The following DMD variants were observed in gnomAD, a reference collection of about 807,000 sequenced individuals.
DMD encodes dystrophin, also known as mutant dystrophin.
DMD carries 63 observed loss-of-function variants against 330.1 expected under a neutral mutation model. That is an observed-to-expected ratio of 0.19 (90% CI 0.16 to 0.24). The LOEUF is 0.24. Ranked by LOEUF, DMD falls within the 10% of genes least tolerant of loss-of-function variation. DMD has a pLI of 1.00. For missense variants in DMD, 3,344 were observed against 2,684.1 expected, an observed-to-expected ratio of 1.25 and a Z score of -5.43; for synonymous variants, 1,223 against 959.8, an observed-to-expected ratio of 1.27 and a Z score of -5.07.
intron 4 of DMD, among the ~76,000 whole-genome samples, chrX:32,827,557 T>A (rs1200265222): frequency 9.0e-6 from 1 of 111,188 alleles, no homozygotes; most frequent in Non-Finnish European, 1.9e-5. Flanking sequence ...GCCTGATAGG[T>A]AGTTTTTCTG....
Position 31,180,353 on chromosome X carries a change from G to A in DMD, c.10086+17C>T. The A allele has an allele frequency of 1.8e-6, 2 of 1,089,910 alleles. No homozygotes were observed. The highest frequency in any genetic ancestry group is 2.5e-6 in the Non-Finnish European group (2 of 784,586). The allele number at this position is 1,089,910 out of a possible 1,213,427, so 89.8% of individuals were successfully genotyped here. On this transcript the variant is annotated intron_variant, in intron 69 of 78. Transcript: ENST00000357033. ...CCAGGTGAACTAACTCTCACGTCAG[G>A]CTGGCGTCAAACTTACCGGAGTGCA...
chrX:31,444,154 G>A (rs1041043787), intron 60 of DMD, among the ~76,000 whole-genome samples: 3 of 110,768 alleles, frequency 2.7e-5, no homozygotes, highest in African/African-American at 9.9e-5. Context: ...GCAGCCTGAC[G>A]CCCTCGCCAG....
intron 2 of DMD, among the ~76,000 whole-genome samples, chrX:32,940,210 T>C (rs2090310778): frequency 8.9e-6 from 1 of 111,868 alleles, no homozygotes; most frequent in South Asian, 3.7e-4. Context: ...ATGCACAGCA[T>C]AGGGACTATA....
At chrX:33,278,824 A>G (rs73623938) in intron 1 of DMD, among the ~76,000 whole-genome samples, 96 of 111,931 alleles carry the variant, frequency 8.6e-4, no homozygotes, top group African/African-American at 2.9e-3. Flanking sequence ...AGGACAAAGA[A>G]GGTCACTACA....
intron 2 of DMD, among the ~76,000 whole-genome samples, chrX:32,869,432 G>T (rs1165754093): frequency 9.0e-6 from 1 of 110,764 alleles, no homozygotes; most frequent in African/African-American, 3.3e-5. Flanking sequence ...GGCTTCAGAA[G>T]ATGAGTAATA....
chrX:32,724,094 A>G (rs1339345770), intron 7 of DMD, among the ~76,000 whole-genome samples: 1 of 112,098 alleles, frequency 8.9e-6, no homozygotes, highest in Non-Finnish European at 1.9e-5. Context: ...TCGACAGTTG[A>G]CAAGTCAAAT....
At chrX:31,186,260 C>A (rs1457847280) in intron 67 of DMD, among the ~76,000 whole-genome samples, 1 of 111,949 alleles carries the variant, frequency 8.9e-6, no homozygotes, top group Admixed American at 9.5e-5. Flanking sequence ...TAAATGCCCA[C>A]CAATGGAAGA....
chrX:31,783,697 T>C (rs2149282228), intron 50 of DMD, among the ~76,000 whole-genome samples: 1 of 111,234 alleles, frequency 9.0e-6, no homozygotes, highest in African/African-American at 3.3e-5. Context: ...ATATATAGTC[T>C]AAATATATAT....
At chrX:32,036,345 G>A (rs73454025) in intron 44 of DMD, among the ~76,000 whole-genome samples, 10,411 of 111,065 alleles carry the variant, frequency 0.094, 518 homozygotes, top group African/African-American at 0.19. Context: ...AATCTAAGCA[G>A]GAGATCAGGG....
chrX:32,458,279 T>C (rs959048019), intron 25 of DMD, among the ~76,000 whole-genome samples: 2 of 111,473 alleles, frequency 1.8e-5, no homozygotes, highest in African/African-American at 6.5e-5. Flanking sequence ...GTCTGGTTTA[T>C]TTCACTTAGC....
intron 1 of DMD, among the ~76,000 whole-genome samples, chrX:33,043,194 C>G (rs1409929532): frequency 8.9e-6 from 1 of 111,863 alleles, no homozygotes; most frequent in East Asian, 2.8e-4. Context: ...AAAATGTGAA[C>G]ATGACAAAAG....
At chrX:32,172,377 T>A (rs972835066) in intron 44 of DMD, among the ~76,000 whole-genome samples, 1 of 112,286 alleles carries the variant, frequency 8.9e-6, no homozygotes, top group Non-Finnish European at 1.9e-5. Context: ...ATATTTGTCA[T>A]TCATATTACA....
chrX:31,643,894 T>C (rs1226487026), intron 54 of DMD, among the ~76,000 whole-genome samples: 2 of 112,166 alleles, frequency 1.8e-5, no homozygotes, highest in African/African-American at 6.5e-5. Flanking sequence ...TCAATATCTA[T>C]TGCAGTATCT....
chrX:32,547,829 T>C (rs1432235227), intron 16 of DMD, among the ~76,000 whole-genome samples: 2 of 111,162 alleles, frequency 1.8e-5, no homozygotes, highest in African/African-American at 6.5e-5. Context: ...ACTTTCCCCA[T>C]TGGGAAAGAT....
chrX:31,337,518 GGAAAACA>G (rs2057471714), intron 61 of DMD, among the ~76,000 whole-genome samples: 1 of 112,270 alleles, frequency 8.9e-6, no homozygotes, highest in Non-Finnish European at 1.9e-5. Flanking sequence ...TTCTGAAAAT[GGAAAACA>G]TCCAAATGGA....
At chrX:31,690,728 T>C (rs1053533300) in intron 52 of DMD, among the ~76,000 whole-genome samples, 7 of 111,877 alleles carry the variant, frequency 6.3e-5, no homozygotes, top group African/African-American at 2.3e-4. Context: ...CAAATGTCCA[T>C]CAATGATAGA....
At chrX:32,031,655 G>T (rs2095884130) in intron 44 of DMD, among the ~76,000 whole-genome samples, 1 of 112,147 alleles carries the variant, frequency 8.9e-6, no homozygotes, top group Admixed American at 9.5e-5. Flanking sequence ...GCAATCTCAT[G>T]TAGTAATATT....
chrX:32,528,333 C>G (rs1306466477), intron 17 of DMD, among the ~76,000 whole-genome samples: 3 of 111,378 alleles, frequency 2.7e-5, no homozygotes, highest in Non-Finnish European at 5.7e-5. Flanking sequence ...AATAACATAG[C>G]TATATATGTG....
intron 48 of DMD, among the ~76,000 whole-genome samples, chrX:31,854,689 T>C (rs1370079306): frequency 8.9e-6 from 1 of 111,929 alleles, no homozygotes; most frequent in East Asian, 2.8e-4. Flanking sequence ...GATTTAAATA[T>C]TGTACCAATA....
Sources: allele counts gnomAD v4.1 joint callset (sites outside exome capture counted in the v4.1 genomes callset), GRCh38; gene constraint gnomAD v4.1.1; transcripts MANE v1.5; gene names NCBI Gene and HGNC (gene_info 2026-07-23, HGNC 2026-07-21).